Variants in CYP2B6 observed in about 807,000 individuals in gnomAD.
The protein encoded by CYP2B6 is cytochrome P450 family 2 subfamily B member 6.
Under a neutral mutation model 43.4 loss-of-function variants are expected in CYP2B6, and 35 were observed. That is an observed-to-expected ratio of 0.81 (90% CI 0.62 to 1.07). CYP2B6 has a LOEUF of 1.07. CYP2B6 is among the 50% of genes least tolerant of loss of function. The pLI, the probability that CYP2B6 is intolerant of heterozygous loss-of-function variation, is 0.00. For synonymous variants in CYP2B6, 239 were observed against 239.2 expected, an observed-to-expected ratio of 1.00 and a Z score of 0.01; for missense variants, 624 against 632.8, an observed-to-expected ratio of 0.99 and a Z score of 0.15.
intron 8 of CYP2B6, among the ~76,000 whole-genome samples, chr19:41,015,999 T>TACACACACGC (rs1555793735): frequency 6.7e-6 from 1 of 149,804 alleles, no homozygotes; most frequent in Non-Finnish European, 1.5e-5. Flanking sequence ...CATGTACAGG[T>TACACACACGC]ACACACACAC....
chr19:40,996,421 T>C (rs1432259513), intron 1 of CYP2B6, among the ~76,000 whole-genome samples: 1 of 152,300 alleles, frequency 6.6e-6, no homozygotes, highest in South Asian at 2.1e-4. Flanking sequence ...TCTACGGTTA[T>C]GGCATTGATT....
intron 6 of CYP2B6, among the ~76,000 whole-genome samples, chr19:41,010,559 G>A (rs1370316041): frequency 5.3e-5 from 8 of 151,732 alleles, no homozygotes; most frequent in African/African-American, 1.2e-4. Context: ...AACTACAGGC[G>A]CCTGCCACCA....
intron 4 of CYP2B6, among the ~76,000 whole-genome samples, chr19:41,009,014 C>G (rs1490156152): frequency 2.7e-5 from 4 of 149,228 alleles, no homozygotes; most frequent in Non-Finnish European, 5.9e-5. Context: ...AAGAAAAAGA[C>G]AGAAGGATGA....
Position 41,016,782 on chromosome 19 carries a change from G to T in CYP2B6, c.1431G>T (p.Val477=). 1 of 1,614,150 alleles carries T rather than the reference G, an allele frequency of 6.2e-7. No individual in the cohort carries two copies. The highest frequency in any genetic ancestry group is 8.5e-7 in the Non-Finnish European group (1 of 1,180,020). ...DIDLTPQECG[V]GKIPPTYQIR... The stretch of plus-strand genomic sequence containing the variant: ...ATCTGACACCCCAGGAGTGTGGTGT[G>T]GGCAAAATACCCCCAACATACCAGA... The change falls in exon 9 of 9, where the codon GTG becomes GTT. Residue 477 remains valine (V), a synonymous_variant. Coordinates refer to ENST00000324071, the MANE Select transcript of CYP2B6 (RefSeq NM_000767.5).
chr19:41,004,898 G>A (rs1200527693), intron 3 of CYP2B6, among the ~76,000 whole-genome samples: 2 of 151,982 alleles, frequency 1.3e-5, no homozygotes, highest in African/African-American at 2.4e-5. Context: ...AGGCTAAGGT[G>A]GGACTACAGG....
In CYP2B6 at chr19:41,003,228, C is replaced by G. The variant is rs34563028; in HGVS notation, c.172-773C>G. On this transcript the variant is annotated intron_variant, in intron 1 of 8. Transcript: ENST00000324071. ...ATCCCACCTTATCCACTGGAGATATCTTCTGAGACCCCCAGTGGATGCCTG... is the reference window on the plus strand; with the variant it reads ...ATCCCACCTTATCCACTGGAGATATGTTCTGAGACCCCCAGTGGATGCCTG... 2.3e-3 allele frequency among the ~76,000 whole-genome samples: 356 copies of G among 152,182 alleles called. 1 individual carries two copies. Among genetic ancestry groups the G allele is most frequent in the African/African-American group, 6.4e-3 (267 of 41,460 alleles).
intron 3 of CYP2B6, among the ~76,000 whole-genome samples, chr19:41,005,804 A>AT (rs1438356596): frequency 6.6e-6 from 1 of 151,994 alleles, no homozygotes; most frequent in East Asian, 1.9e-4. Context: ...AATAATAATA[A>AT]AATAAAGAAC....
At chr19:40,994,693 G>A (rs1968974920) in intron 1 of CYP2B6, among the ~76,000 whole-genome samples, 1 of 151,944 alleles carries the variant, frequency 6.6e-6, no homozygotes, top group Non-Finnish European at 1.5e-5. Context: ...TAGTCCCCAG[G>A]TCTTGCATAC....
At chr19:41,009,180 C>T (rs1432364190) in intron 4 of CYP2B6, 39 bp from the exon 5 acceptor site, 1 of 1,575,346 alleles carries the variant, frequency 6.3e-7, no homozygotes, top group Non-Finnish European at 8.7e-7. Context: ...CCTGCTAGCT[C>T]AGCCCTAGGC....
At chr19:40,993,844 A>T (rs537753170) in intron 1 of CYP2B6, among the ~76,000 whole-genome samples, 1 of 152,258 alleles carries the variant, frequency 6.6e-6, no homozygotes, top group South Asian at 2.1e-4. Context: ...AGATAAGAGC[A>T]ATATTTGGTT....
At chr19:41,015,822 G>A (rs1261364674) in intron 8 of CYP2B6, among the ~76,000 whole-genome samples, 1 of 148,556 alleles carries the variant, frequency 6.7e-6, no homozygotes, top group Non-Finnish European at 1.5e-5. Flanking sequence ...CAAACACAAG[G>A]CAGTAACCAA....
intron 1 of CYP2B6, among the ~76,000 whole-genome samples, chr19:40,993,153 T>C (rs1386164933): frequency 6.6e-6 from 1 of 152,140 alleles, no homozygotes; most frequent in African/African-American, 2.4e-5. Flanking sequence ...TAACTTGATT[T>C]ATAGAGACAT....
At chr19:41,006,343 T>TC (rs1227254767) in intron 3 of CYP2B6, among the ~76,000 whole-genome samples, 1 of 150,752 alleles carries the variant, frequency 6.6e-6, no homozygotes, top group Non-Finnish European at 1.5e-5. Flanking sequence ...TTTTTTTTTT[T>TC]TGTAGAGACA....
At chr19:41,009,909 G>A (rs8192718) in intron 5 of CYP2B6, 85 bp from the exon 6 acceptor site, 19,969 of 1,570,734 alleles carry the variant, frequency 0.013, 222 homozygotes, top group East Asian at 0.034. Flanking sequence ...TTAGGCCAAC[G>A]GAGGGCAGCC....
chr19:41,012,582 C>G, intron 7 of CYP2B6, 92 bp from the exon 8 acceptor site: 1 of 1,609,064 alleles, frequency 6.2e-7, no homozygotes, highest in South Asian at 1.1e-5. Flanking sequence ...AATTGAGTCC[C>G]GTTGTTTTTG....
At position 41,013,013 on chromosome 19, in the gene CYP2B6, T is replaced by C. The variant is rs1028859116; in HGVS notation, c.1294+198T>C. The C allele has an allele frequency of 7.5e-6, 5 of 667,146 alleles. No homozygotes were observed. The African/African-American group carries it at 9.0e-5, about 12-fold the overall frequency. 41.3% of individuals were successfully genotyped at this position (667,146 alleles called of 1,614,324 possible). On this transcript the variant is annotated intron_variant, in intron 8 of 8. Coordinates refer to ENST00000324071, the MANE Select transcript of CYP2B6 (RefSeq NM_000767.5). ...AGATTACATTCCCAAAGGCACATCT[T>C]GGCAAGCAGGACCTTGGGCAAGTAT...
Position 41,004,355 on chromosome 19 carries a change from T to C in CYP2B6, c.393T>C (p.Thr131=), listed in dbSNP as rs772621949. 9.9e-6 allele frequency: 16 copies of C among 1,613,868 alleles called. No homozygotes were observed. Among genetic ancestry groups the C allele is most frequent in the South Asian group, 3.3e-5 (3 of 91,060 alleles). ...WKVLRRFSVT[T]MRDFGMGKRS... ...TGCTTCGGCGATTCTCTGTGACCAC[T>C]ATGAGGGACTTCGGGATGGGAAAGC... The change falls in exon 3 of 9, where the codon ACT becomes ACC. Residue 131 remains threonine (T), a synonymous_variant. Coordinates refer to ENST00000324071, the MANE Select transcript of CYP2B6 (RefSeq NM_000767.5).
intron 4 of CYP2B6, among the ~76,000 whole-genome samples, chr19:41,008,336 C>T (rs1156633418): frequency 3.4e-5 from 5 of 147,726 alleles, no homozygotes; most frequent in Admixed American, 2.7e-4. Flanking sequence ...CTCAGCCTCC[C>T]GAGCAGCCGG....
At chr19:41,016,211 T>C (rs1294740645) in intron 8 of CYP2B6, among the ~76,000 whole-genome samples, 197 of 151,746 alleles carry the variant, frequency 1.3e-3, no homozygotes, top group African/African-American at 4.6e-3. Flanking sequence ...GCCTGGCCAA[T>C]ATGATGATAC....
Sources: gnomAD v4.1 joint callset for allele counts (sites outside exome capture counted in the v4.1 genomes callset) on GRCh38, gnomAD v4.1.1 for gene constraint, MANE v1.5 for transcripts, NCBI Gene and HGNC (gene_info 2026-07-23, HGNC 2026-07-21) for gene names.